Variants in GAREM1 observed in about 807,000 individuals in gnomAD.
GAREM1 encodes GRB2 associated regulator of MAPK1 subtype 1, also known as GRB2-associated and regulator of MAPK protein 1.
In GAREM1, 26 loss-of-function variants were observed where a neutral mutation model predicts 71.3. That is an observed-to-expected ratio of 0.36 (90% CI 0.27 to 0.51). GAREM1 has a LOEUF of 0.51. Among genes scored for constraint, GAREM1 ranks in the 20% least tolerant of loss-of-function variants. The pLI, the probability that GAREM1 is intolerant of heterozygous loss-of-function variation, is 0.95. For synonymous variants in GAREM1, 440 were observed against 433.2 expected (o/e 1.02, Z -0.20); for missense variants, 1,026 against 1,103.1 (o/e 0.93, Z 0.99).
Position 32,414,386 on chromosome 18 carries a change from T to A in GAREM1, c.122-21351A>T, listed in dbSNP as rs144380170. On this transcript the variant is annotated intron_variant, in intron 1 of 5. Transcript: ENST00000269209. ...ATATCATTAAGCATATATAAACATA[T>A]GAGTTATTTTTTTCAGACAAGGGCA... Among the ~76,000 whole-genome samples the A allele has an allele frequency of 5.7e-4, 86 of 152,088 alleles. 1 individual carries two copies. In the East Asian group the frequency reaches 0.016, roughly 28 times the overall value.
chr18:32,440,753 A>G (rs184030741), intron 1 of GAREM1, among the ~76,000 whole-genome samples: 5 of 152,364 alleles, frequency 3.3e-5, no homozygotes, highest in East Asian at 1.9e-4. Context: ...TGCTGTATCA[A>G]CAATGCTCTT....
intron 4 of GAREM1, among the ~76,000 whole-genome samples, chr18:32,281,707 G>A (rs963421412): frequency 1.3e-5 from 2 of 152,204 alleles, no homozygotes; most frequent in African/African-American, 4.8e-5. Context: ...GGGCACGGTG[G>A]CTCATGCCTG....
At chr18:32,317,734 T>C (rs1033958826) in intron 2 of GAREM1, among the ~76,000 whole-genome samples, 1 of 151,674 alleles carries the variant, frequency 6.6e-6, no homozygotes, top group African/African-American at 2.4e-5. Context: ...ATTCTCAGAT[T>C]AGCCAACGTT....
intron 1 of GAREM1, among the ~76,000 whole-genome samples, chr18:32,428,110 G>A (rs769052907): frequency 2.0e-5 from 3 of 152,172 alleles, no homozygotes; most frequent in Non-Finnish European, 4.4e-5. Flanking sequence ...CAGCCACCTG[G>A]AGGAAAATTG....
chr18:32,388,801 G>A (rs1393021213), intron 2 of GAREM1, among the ~76,000 whole-genome samples: 1 of 152,172 alleles, frequency 6.6e-6, no homozygotes, highest in African/African-American at 2.4e-5. Flanking sequence ...TACAATAAGT[G>A]GTCCTAGACT....
At chr18:32,426,847 C>T (rs1172353038) in intron 1 of GAREM1, among the ~76,000 whole-genome samples, 1 of 152,194 alleles carries the variant, frequency 6.6e-6, no homozygotes, top group Non-Finnish European at 1.5e-5. Flanking sequence ...AAGATCACTG[C>T]ATTTTTAATG....
rs2047045313 is a variant in GAREM1, at chr18:32,288,030, C to T, written c.567G>A (p.Lys189=). The T allele has an allele frequency of 5.6e-6, 9 of 1,614,132 alleles. No individual in the cohort carries two copies. The highest frequency in any genetic ancestry group is 7.6e-6 in the Non-Finnish European group (9 of 1,180,038). Residue 189 remains lysine (K), a synonymous_variant, in exon 4 of 6, where the codon AAG becomes AAA. Transcript: ENST00000269209. ...GGCACGGCATTTTGCCTTTTCCCAG[C>T]TTGCTGATGGAATTGAGCTTCCCAA... is the stretch of plus-strand genomic sequence containing the variant. ...KKIGKLNSIS[K]LGKGKMPCLI... is the part of the protein sequence containing the mutation.
chr18:32,417,545 AG>A (rs1270214347), intron 1 of GAREM1, among the ~76,000 whole-genome samples: 4 of 152,248 alleles, frequency 2.6e-5, no homozygotes, highest in African/African-American at 9.6e-5. Flanking sequence ...GCCATAAAAA[AG>A]AATGAGATCC....
intron 1 of GAREM1, among the ~76,000 whole-genome samples, chr18:32,446,823 T>C (rs913999125): frequency 4.6e-5 from 7 of 152,166 alleles, no homozygotes; most frequent in African/African-American, 1.7e-4. Flanking sequence ...GGTAAATAAA[T>C]GTGGGGATTA....
Position 32,283,439 on chromosome 18 carries a change from C to T in GAREM1, c.1566+3592G>A, listed in dbSNP as rs78392653. On this transcript the variant is annotated intron_variant, in intron 4 of 5. Coordinates refer to ENST00000269209, the MANE Select transcript of GAREM1 (RefSeq NM_001242409.2). ...GCGCATGCCTGTAATCCCAGCTTCTCGGGAGACTGAGGCATGAGAATCACT... is the reference window on the plus strand; with the variant it reads ...GCGCATGCCTGTAATCCCAGCTTCTTGGGAGACTGAGGCATGAGAATCACT... Among the ~76,000 whole-genome samples the T allele has an allele frequency of 1.9e-3, 292 of 152,030 alleles. 9 individuals carry two copies. The East Asian group carries it at 0.045, about 24-fold the overall frequency.
intron 2 of GAREM1, among the ~76,000 whole-genome samples, chr18:32,378,468 C>A (rs1331494111): frequency 6.6e-6 from 1 of 151,096 alleles, no homozygotes; most frequent in Non-Finnish European, 1.5e-5. Flanking sequence ...CCACTGCATT[C>A]CAGCCTGGGC....
intron 1 of GAREM1, among the ~76,000 whole-genome samples, chr18:32,460,269 C>T (rs1343080357): frequency 6.6e-6 from 1 of 152,096 alleles, no homozygotes; most frequent in African/African-American, 2.4e-5. Flanking sequence ...CACTATATAA[C>T]CAAGCTTAAT....
chr18:32,290,290 T>G (rs1337009300), intron 3 of GAREM1: 1 of 152,168 alleles, frequency 6.6e-6, no homozygotes, highest in Admixed American at 6.5e-5. Flanking sequence ...CCCTGACTTG[T>G]GTTTATTCTG....
At chr18:32,311,357 T>G (rs1300420949) in intron 2 of GAREM1, among the ~76,000 whole-genome samples, 1 of 152,168 alleles carries the variant, frequency 6.6e-6, no homozygotes, top group Non-Finnish European at 1.5e-5. Flanking sequence ...TCAACACAAT[T>G]TTTTAGCATC....
intron 1 of GAREM1, among the ~76,000 whole-genome samples, chr18:32,449,520 T>C (rs924604379): frequency 2.0e-5 from 3 of 152,076 alleles, no homozygotes; most frequent in African/African-American, 2.4e-5. Flanking sequence ...ACAAAACATA[T>C]ATATTTAAAA....
chr18:32,355,026 T>C (rs2047790585), intron 2 of GAREM1, among the ~76,000 whole-genome samples: 1 of 152,204 alleles, frequency 6.6e-6, no homozygotes, highest in African/African-American at 2.4e-5. Context: ...AAAAATTACT[T>C]TTCACAGGCA....
At chr18:32,291,389 G>C (rs906137746) in intron 3 of GAREM1, among the ~76,000 whole-genome samples, 4 of 151,026 alleles carry the variant, frequency 2.6e-5, no homozygotes, top group African/African-American at 9.7e-5. Context: ...ACTTACTGGA[G>C]CTAGGGACAA....
At position 32,268,304 on chromosome 18, in the gene GAREM1, A is replaced by G. The variant is rs756811267; in HGVS notation, c.2198T>C (p.Val733Ala). Residue 733 changes from valine (V) to alanine (A), a missense_variant, in exon 6 of 6, where the codon GTG (valine) becomes GCG (alanine). Physicochemically the swap from Val to Ala is moderately conservative, Grantham distance 64 (BLOSUM62 0). Transcript: ENST00000269209. ...TGTTTCGGAGGCGACCTTCTCTTCC[A>G]CTAGTTTTGGAGCCCTGGGGGGTAA... ...PALPPRAPKLVEEKVASETSP... is the reference protein window; with the variant it reads ...PALPPRAPKLAEEKVASETSP... 1.2e-6 allele frequency: 2 copies of G among 1,613,856 alleles called. No homozygotes were observed. The highest frequency in any genetic ancestry group is 1.3e-5 in the African/African-American group (1 of 74,838).
At chr18:32,288,625 T>C (rs986743514) in intron 3 of GAREM1, among the ~76,000 whole-genome samples, 1 of 151,906 alleles carries the variant, frequency 6.6e-6, no homozygotes, top group Non-Finnish European at 1.5e-5. Flanking sequence ...AAAAATGTGG[T>C]ATTTCTCAAT....
Sources: allele counts gnomAD v4.1 joint callset (sites outside exome capture counted in the v4.1 genomes callset), GRCh38; gene constraint gnomAD v4.1.1; transcripts MANE v1.5; gene names NCBI Gene and HGNC (gene_info 2026-07-23, HGNC 2026-07-21).